The following GABRA4 variants were observed in gnomAD, a reference collection of about 807,000 sequenced individuals.
The protein encoded by GABRA4 is gamma-aminobutyric acid receptor subunit alpha-4.
GABRA4 carries 12 observed loss-of-function variants against 49.7 expected under a neutral mutation model. That is an observed-to-expected ratio of 0.24 (90% CI 0.15 to 0.39). The LOEUF (loss-of-function observed/expected upper bound fraction) is 0.39. Ranked by LOEUF, GABRA4 falls within the 10% of genes least tolerant of loss-of-function variation. GABRA4 has a pLI of 1.00. For synonymous variants in GABRA4, 288 were observed against 240.2 expected, an observed-to-expected ratio of 1.20 and a Z score of -1.84; for missense variants, 506 against 686.0, an observed-to-expected ratio of 0.74 and a Z score of 2.93.
intron 2 of GABRA4, among the ~76,000 whole-genome samples, chr4:46,990,418 A>G (rs1441594411): frequency 6.6e-6 from 1 of 152,202 alleles, no homozygotes; most frequent in African/African-American, 2.4e-5. Context: ...AAAAGGATCC[A>G]TATACAATGG....
intron 7 of GABRA4, among the ~76,000 whole-genome samples, chr4:46,966,024 G>C (rs149047763): frequency 6.7e-6 from 1 of 148,828 alleles, no homozygotes; most frequent in Non-Finnish European, 1.5e-5. Flanking sequence ...ATCCAGGAAC[G>C]CTTTCTCCTT....
chr4:46,948,479 T>C (rs1293586218), intron 8 of GABRA4, among the ~76,000 whole-genome samples: 1 of 152,044 alleles, frequency 6.6e-6, no homozygotes, highest in African/African-American at 2.4e-5. Context: ...TTGCTGAGAG[T>C]AGATGATTGT....
At position 46,974,134 on chromosome 4, in the gene GABRA4, T is replaced by C; in HGVS notation, c.721+98A>G. 7.4e-6 allele frequency: 9 copies of C among 1,213,220 alleles called. No individual in the cohort carries two copies. The South Asian group carries it at 1.5e-4, about 20-fold the overall frequency. The allele number at this position is 1,213,220 out of a possible 1,614,324, so 75.2% of individuals were successfully genotyped here. A position where few individuals can be genotyped will look rare whatever the true frequency, so the allele number is the denominator to read the frequency against. ...CTCTATTTCTGGAAAATGTTTGTTG[T>C]TCTCCTGAAAAAATTAACTATTTCA... On this transcript the variant is annotated intron_variant, in intron 6 of 8. Transcript: ENST00000264318.
rs116837070 is a variant in GABRA4 at position 46,986,936 on chromosome 4, T to C, written c.205+5892A>G. ...AACCATTTCTTATAAATTTACAAAC[T>C]TCTCTGCTACCAGCTTGGTCAAAGT... On this transcript the variant is annotated intron_variant, in intron 2 of 8. Transcript: ENST00000264318. 6.4e-3 allele frequency among the ~76,000 whole-genome samples: 972 copies of C among 152,260 alleles called. 5 individuals are homozygous for C. Among genetic ancestry groups the C allele is most frequent in the Middle Eastern group, 0.017 (5 of 294 alleles).
intron 8 of GABRA4, among the ~76,000 whole-genome samples, chr4:46,937,593 G>T (rs1040599096): frequency 6.6e-6 from 1 of 152,140 alleles, no homozygotes; most frequent in Non-Finnish European, 1.5e-5. Context: ...AATACATGCA[G>T]AAAAGCTAAA....
intron 7 of GABRA4, 115 bp downstream of exon 7, chr4:46,970,968 T>A: frequency 2.1e-6 from 2 of 937,984 alleles, no homozygotes; most frequent in Non-Finnish European, 3.2e-6. Flanking sequence ...GCCATGTGAT[T>A]CCTTATTCAG....
chr4:46,933,652 G>A (rs563607183), intron 8 of GABRA4, among the ~76,000 whole-genome samples: 9 of 152,230 alleles, frequency 5.9e-5, no homozygotes, highest in East Asian at 1.9e-4. Flanking sequence ...TCTGGCACAC[G>A]ACTCACTGGG....
intron 6 of GABRA4, among the ~76,000 whole-genome samples, chr4:46,973,655 A>G (rs1723034474): frequency 6.6e-6 from 1 of 151,862 alleles, no homozygotes; most frequent in Admixed American, 6.6e-5. Context: ...TTTCCACTAA[A>G]TATGATTAAA....
intron 8 of GABRA4, among the ~76,000 whole-genome samples, chr4:46,935,878 C>T (rs1477212443): frequency 1.3e-5 from 2 of 152,042 alleles, no homozygotes; most frequent in African/African-American, 2.4e-5. Context: ...AAGGATGTTG[C>T]TGGTGACAAT....
intron 8 of GABRA4, among the ~76,000 whole-genome samples, chr4:46,933,837 T>G (rs1721522663): frequency 6.6e-6 from 1 of 152,160 alleles, no homozygotes. Context: ...TGATTTAGTT[T>G]GAAATTACTT....
intron 6 of GABRA4, among the ~76,000 whole-genome samples, chr4:46,972,009 A>G (rs1410927301): frequency 6.6e-6 from 1 of 151,624 alleles, no homozygotes; most frequent in Non-Finnish European, 1.5e-5. Flanking sequence ...AAAGTTATCT[A>G]GGAAGCAGTG....
rs940354849 is a variant in GABRA4, at chr4:46,926,027, C to T, written c.*2198G>A. On this transcript the variant is annotated 3_prime_UTR_variant, in exon 9 of 9. Transcript: ENST00000264318. ...CCAATGAATAACCAAATAATTATTTCTTAAGATAGGCCAATAGATTAGCAA... is the reference window on the plus strand; with the variant it reads ...CCAATGAATAACCAAATAATTATTTTTTAAGATAGGCCAATAGATTAGCAA... 1 of 151,322 alleles carries T rather than the reference C, an allele frequency of 6.6e-6. No individual in the cohort carries two copies. The highest frequency in any genetic ancestry group is 1.5e-5 in the Non-Finnish European group (1 of 67,708). 9.4% of individuals were successfully genotyped at this position (151,322 alleles called of 1,614,324 possible).
chr4:46,974,429 C>T, intron 5 of GABRA4, 54 bp from the exon 6 acceptor site: 1 of 1,502,926 alleles, frequency 6.7e-7, no homozygotes. Flanking sequence ...TCATCCACAT[C>T]AGTGGTCAAC....
intron 8 of GABRA4, among the ~76,000 whole-genome samples, chr4:46,954,674 T>C (rs894330779): frequency 9.9e-5 from 15 of 152,128 alleles, no homozygotes; most frequent in African/African-American, 3.4e-4. Flanking sequence ...CTTGCCTCAC[T>C]TCATCATTTA....
chr4:46,925,034 G>A lies in GABRA4; in HGVS notation c.*3191C>T, dbSNP rs937620393. 9 of 151,932 alleles carry A rather than the reference G, an allele frequency of 5.9e-5. No homozygotes were observed. The highest frequency in any genetic ancestry group is 8.8e-5 in the Non-Finnish European group (6 of 67,900). The allele number at this position is 151,932 out of a possible 1,614,324, so 9.4% of individuals were successfully genotyped here. On this transcript the variant is annotated 3_prime_UTR_variant, in exon 9 of 9. Transcript: ENST00000264318. ...CATTAAGAACAGGAATGGGGAGAGTGGAGATATTTTTCTAGGCCAGGAAGT... is the reference window on the plus strand; with the variant it reads ...CATTAAGAACAGGAATGGGGAGAGTAGAGATATTTTTCTAGGCCAGGAAGT...
intron 2 of GABRA4, among the ~76,000 whole-genome samples, chr4:46,988,561 T>C (rs1172440593): frequency 1.3e-5 from 2 of 152,256 alleles, no homozygotes; most frequent in Non-Finnish European, 2.9e-5. Flanking sequence ...ATAGATCATT[T>C]GAAAACACTG....
At chr4:46,974,918 A>T (rs1440715337) in intron 5 of GABRA4, among the ~76,000 whole-genome samples, 1 of 151,970 alleles carries the variant, frequency 6.6e-6, no homozygotes, top group African/African-American at 2.4e-5. Flanking sequence ...TTTGGGGACC[A>T]TTGTACAGTG....
rs1037736317 is a variant in GABRA4 at position 46,924,439 on chromosome 4, A to G, written c.*3786T>C. The G allele has an allele frequency of 1.3e-5, 2 of 152,020 alleles. No individual in the cohort carries two copies. Among genetic ancestry groups the G allele is most frequent in the African/African-American group, 4.8e-5 (2 of 41,404 alleles). 9.4% of individuals were successfully genotyped at this position (152,020 alleles called of 1,614,324 possible). A position where few individuals can be genotyped will look rare whatever the true frequency, so the allele number is the denominator to read the frequency against. ...CCCATAATTTTTTGTCTATGCATCT[A>G]TCATCTCTTCCGGACTGTGACTACC... On this transcript the variant is annotated 3_prime_UTR_variant, in exon 9 of 9. Coordinates refer to ENST00000264318, the MANE Select transcript of GABRA4 (RefSeq NM_000809.4).
intron 8 of GABRA4, among the ~76,000 whole-genome samples, chr4:46,952,045 C>T (rs1324243651): frequency 2.0e-5 from 3 of 151,960 alleles, no homozygotes; most frequent in Non-Finnish European, 4.4e-5. Flanking sequence ...CCAACCCACC[C>T]TCAAAAGAGA....
Sources: allele counts gnomAD v4.1 joint callset (sites outside exome capture counted in the v4.1 genomes callset), GRCh38; gene constraint gnomAD v4.1.1; transcripts MANE v1.5; gene names NCBI Gene and HGNC (gene_info 2026-07-23, HGNC 2026-07-21).